The following MYO9A variants were observed in gnomAD, a reference collection of about 807,000 sequenced individuals.
The protein encoded by MYO9A is unconventional myosin-IXa.
A neutral mutation model predicts 293.3 loss-of-function variants in MYO9A; 103 were observed. That is an observed-to-expected ratio of 0.35 (90% CI 0.30 to 0.41). MYO9A has a LOEUF of 0.41. MYO9A is among the 10% of genes least tolerant of loss of function. The probability of loss-of-function intolerance (pLI) is 1.00; values close to 1 mark genes in which losing one functional copy is unlikely to be tolerated. For missense variants in MYO9A, 2,685 were observed against 3,033.0 expected (o/e 0.89, Z 2.69); for synonymous variants, 1,001 against 1,035.7 (o/e 0.97, Z 0.64).
At chr15:71,909,240 A>C (rs1486061852) in intron 19 of MYO9A, among the ~76,000 whole-genome samples, 1 of 152,232 alleles carries the variant, frequency 6.6e-6, no homozygotes, top group Non-Finnish European at 1.5e-5. Context: ...TTGTGTGGAC[A>C]TAAGTTTTCA....
intron 6 of MYO9A, among the ~76,000 whole-genome samples, chr15:72,012,387 C>T (rs1180649948): frequency 6.6e-6 from 1 of 152,064 alleles, no homozygotes; most frequent in Non-Finnish European, 1.5e-5. Flanking sequence ...CTCTGCCTCC[C>T]GGGTTCAAGC....
intron 1 of MYO9A, among the ~76,000 whole-genome samples, chr15:72,052,956 T>C (rs2078610559): frequency 6.6e-6 from 1 of 152,108 alleles, no homozygotes; most frequent in Non-Finnish European, 1.5e-5. Flanking sequence ...CCACAGACGT[T>C]TCCAGCCTGA....
chr15:72,008,436 G>GGTGTGTGTGTGTGT (rs57267628), intron 7 of MYO9A, among the ~76,000 whole-genome samples: 184 of 138,824 alleles, frequency 1.3e-3, no homozygotes, highest in African/African-American at 2.2e-3. Flanking sequence ...GAGGTAAATG[G>GGTGTGTGTGTGTGT]GTGTGTGTGT....
At chr15:71,835,763 T>A (rs2054915881) in intron 39 of MYO9A, among the ~76,000 whole-genome samples, 1 of 152,070 alleles carries the variant, frequency 6.6e-6, no homozygotes, top group Non-Finnish European at 1.5e-5. Context: ...TGAGGCTGAT[T>A]TCATAATTTA....
intron 25 of MYO9A, among the ~76,000 whole-genome samples, chr15:71,895,438 C>T (rs987484621): frequency 6.6e-6 from 1 of 152,164 alleles, no homozygotes; most frequent in African/African-American, 2.4e-5. Flanking sequence ...CCTAGTATTA[C>T]TTTCTAATTA....
rs898575472 is a variant in MYO9A, at chr15:71,826,420, G to A, written c.*160C>T. On this transcript the variant is annotated 3_prime_UTR_variant, in exon 42 of 42. Transcript: ENST00000356056. ...CCCAGCAGGCTTTCTGCTTCTGCAG[G>A]AGGCCCAGGAATTCAGCACATACAG... 1.5e-6 allele frequency: 1 copy of A among 659,008 alleles called. No individual in the cohort carries two copies. The highest frequency in any genetic ancestry group is 2.6e-5 in the South Asian group (1 of 38,720). The allele number at this position is 659,008 out of a possible 1,614,324, so 40.8% of individuals were successfully genotyped here.
chr15:71,967,887 T>G, intron 13 of MYO9A, 97 bp downstream of exon 13: 1 of 1,233,966 alleles, frequency 8.1e-7, no homozygotes, highest in Non-Finnish European at 1.1e-6. Flanking sequence ...TTATTACTGA[T>G]CAAAAGCCTC....
At chr15:71,972,350 G>A (rs939621976) in intron 12 of MYO9A, 2 of 151,840 alleles carry the variant, frequency 1.3e-5, no homozygotes, top group Non-Finnish European at 2.9e-5. Flanking sequence ...TAATATACTG[G>A]GGTAAATGTA....
intron 1 of MYO9A, among the ~76,000 whole-genome samples, chr15:72,080,472 GAC>G (rs2079510462): frequency 6.6e-6 from 1 of 151,816 alleles, no homozygotes; most frequent in Admixed American, 6.6e-5. Flanking sequence ...AACCTATGAA[GAC>G]AGTCTCCACA....
At chr15:72,105,300 T>C (rs964567271) in intron 1 of MYO9A, among the ~76,000 whole-genome samples, 1 of 151,996 alleles carries the variant, frequency 6.6e-6, no homozygotes, top group Non-Finnish European at 1.5e-5. Flanking sequence ...TATGGCTCAG[T>C]GTAACCTCGA....
intron 32 of MYO9A, among the ~76,000 whole-genome samples, chr15:71,872,442 T>G (rs2056544131): frequency 6.6e-6 from 1 of 152,122 alleles, no homozygotes; most frequent in Non-Finnish European, 1.5e-5. Flanking sequence ...TCATTAAAAA[T>G]TACTTTATTC....
intron 37 of MYO9A, among the ~76,000 whole-genome samples, chr15:71,850,862 T>TATTTACAC (rs1179952650): frequency 6.7e-6 from 1 of 148,882 alleles, no homozygotes; most frequent in Non-Finnish European, 1.5e-5. Context: ...CTACTGCTGA[T>TATTTACAC]ATTTACACAC....
chr15:71,932,859 AAT>A (rs1339455536), intron 18 of MYO9A, among the ~76,000 whole-genome samples: 1 of 152,102 alleles, frequency 6.6e-6, no homozygotes, highest in Non-Finnish European at 1.5e-5. Context: ...TTAAGTATTC[AAT>A]TATATGGATA....
intron 15 of MYO9A, among the ~76,000 whole-genome samples, chr15:71,944,968 T>C (rs897099305): frequency 1.3e-5 from 2 of 152,194 alleles, no homozygotes; most frequent in Non-Finnish European, 2.9e-5. Context: ...TCTCTCTTCA[T>C]TGTATTCTTC....
chr15:72,081,171 A>C (rs1457907825), intron 1 of MYO9A, among the ~76,000 whole-genome samples: 1 of 152,126 alleles, frequency 6.6e-6, no homozygotes, highest in Non-Finnish European at 1.5e-5. Flanking sequence ...GAACTAATTT[A>C]CACTCCCACC....
intron 25 of MYO9A, among the ~76,000 whole-genome samples, chr15:71,894,001 T>G (rs148006614): frequency 1.2e-4 from 19 of 152,266 alleles, no homozygotes; most frequent in African/African-American, 4.3e-4. Context: ...GTGGGTATAT[T>G]CCACTATGAA....
rs969531612 is a variant in MYO9A, at chr15:72,046,030, A to G, written c.534T>C (p.Tyr178=). ...TAATAACTATTAGAATACTGCCAAC[A>G]TAGGTATAAATTTTTTCATGCTTAA... ...NRFKHEKIYT[Y]VGSILIVINP... is the part of the protein sequence containing the mutation. The change falls in exon 2 of 42, where the codon TAT becomes TAC. Residue 178 remains tyrosine, a synonymous_variant. Transcript: ENST00000356056. The G allele has an allele frequency of 1.2e-6, 2 of 1,613,510 alleles. No homozygotes were observed. Among genetic ancestry groups the G allele is most frequent in the African/African-American group, 1.3e-5 (1 of 74,942 alleles).
At chr15:71,831,520 T>A (rs1443809449) in intron 39 of MYO9A, among the ~76,000 whole-genome samples, 3 of 152,222 alleles carry the variant, frequency 2.0e-5, no homozygotes, top group Non-Finnish European at 4.4e-5. Flanking sequence ...CCCCAAGGTT[T>A]GTTTCTTAGA....
At chr15:72,036,246 AT>A (rs2078042812) in intron 2 of MYO9A, among the ~76,000 whole-genome samples, 1 of 152,178 alleles carries the variant, frequency 6.6e-6, no homozygotes, top group Non-Finnish European at 1.5e-5. Flanking sequence ...TACATAAAAT[AT>A]TTTTTAGTAC....
Sources: gnomAD v4.1 joint callset for allele counts (sites outside exome capture counted in the v4.1 genomes callset) on GRCh38, gnomAD v4.1.1 for gene constraint, MANE v1.5 for transcripts, NCBI Gene and HGNC (gene_info 2026-07-23, HGNC 2026-07-21) for gene names.